LPP: variants seen among roughly 807,000 people sequenced by gnomAD.
LPP encodes the protein lipoma-preferred partner.
A neutral mutation model predicts 60.4 loss-of-function variants in LPP; 38 were observed. That is an observed-to-expected ratio of 0.63 (90% CI 0.49 to 0.83). The LOEUF (loss-of-function observed/expected upper bound fraction) is 0.83, where lower values mean the gene tolerates loss of function less well. Among genes scored for constraint, LPP ranks in the 40% least tolerant of loss-of-function variants. LPP has a pLI of 0.00. For missense variants in LPP, 902 were observed against 783.6 expected, an observed-to-expected ratio of 1.15 and a Z score of -1.80; for synonymous variants, 328 against 290.8, an observed-to-expected ratio of 1.13 and a Z score of -1.30.
At chr3:188,498,667 T>C (rs1031043585) in intron 5 of LPP, among the ~76,000 whole-genome samples, 1 of 152,170 alleles carries the variant, frequency 6.6e-6, no homozygotes, top group African/African-American at 2.4e-5. Context: ...TTATTTTGAG[T>C]ATATACCCAG....
intron 2 of LPP, among the ~76,000 whole-genome samples, chr3:188,269,331 C>CG (rs1219128079): frequency 6.7e-6 from 1 of 149,014 alleles, no homozygotes; most frequent in African/African-American, 2.5e-5. Flanking sequence ...TATTGATTTC[C>CG]CCGTCTCAAA....
chr3:188,430,646 G>T (rs771695568), intron 4 of LPP, among the ~76,000 whole-genome samples: 4 of 152,152 alleles, frequency 2.6e-5, no homozygotes, highest in African/African-American at 4.8e-5. Context: ...AGATGCAGAT[G>T]ACTGAACATC....
chr3:188,375,101 C>T lies in LPP; in HGVS notation c.-9-31011C>T, dbSNP rs61698305. Among the ~76,000 whole-genome samples, 1,469 of 151,788 alleles carry T rather than the reference C, an allele frequency of 9.7e-3. 21 individuals carry two copies. Among genetic ancestry groups the T allele is most frequent in the African/African-American group, 0.032 (1,320 of 41,108 alleles). On this transcript the variant is annotated intron_variant, in intron 3 of 11. Transcript: ENST00000617246. ...AAGCTTCTTGACGTGCTGCTGGATTCGGTTTGCCAGTATTTTATTGAGGAT... is the reference window on the plus strand; with the variant it reads ...AAGCTTCTTGACGTGCTGCTGGATTTGGTTTGCCAGTATTTTATTGAGGAT...
chr3:188,874,300 T>C (rs367791318), intron 11 of LPP, 51 bp from the exon 12 acceptor site: 13 of 1,570,568 alleles, frequency 8.3e-6, no homozygotes, highest in Non-Finnish European at 1.0e-5. Context: ...TCTCCACATG[T>C]GTACTTAACG....
At chr3:188,526,872 G>A (rs568524058) in intron 6 of LPP, among the ~76,000 whole-genome samples, 1 of 152,268 alleles carries the variant, frequency 6.6e-6, no homozygotes, top group Admixed American at 6.5e-5. Flanking sequence ...TCTTCTAATA[G>A]CCTGTAATGT....
At chr3:188,681,832 A>G (rs1191711450) in intron 7 of LPP, among the ~76,000 whole-genome samples, 1 of 152,162 alleles carries the variant, frequency 6.6e-6, no homozygotes, top group Non-Finnish European at 1.5e-5. Flanking sequence ...CATGATGTGT[A>G]GTATGTATGT....
intron 6 of LPP, among the ~76,000 whole-genome samples, chr3:188,547,662 A>G (rs1392919414): frequency 4.6e-5 from 7 of 152,220 alleles, no homozygotes; most frequent in African/African-American, 1.4e-4. Flanking sequence ...TGGCCCAGAA[A>G]TGTGAAATGA....
chr3:188,731,100 C>T (rs1266084769), intron 8 of LPP, among the ~76,000 whole-genome samples: 3 of 152,194 alleles, frequency 2.0e-5, no homozygotes, highest in Non-Finnish European at 2.9e-5. Context: ...AGGTTTCAAG[C>T]ATTTGGACAT....
intron 7 of LPP, among the ~76,000 whole-genome samples, chr3:188,647,752 G>C (rs1270275855): frequency 6.6e-6 from 1 of 152,138 alleles, no homozygotes; most frequent in Non-Finnish European, 1.5e-5. Flanking sequence ...AGTCACTGCC[G>C]GTCATTTCTG....
intron 1 of LPP, among the ~76,000 whole-genome samples, chr3:188,166,095 C>T (rs1186195194): frequency 6.6e-6 from 1 of 152,022 alleles, no homozygotes; most frequent in Non-Finnish European, 1.5e-5. Context: ...GAACTGTTAC[C>T]GTGAAAGTTC....
intron 5 of LPP, among the ~76,000 whole-genome samples, chr3:188,485,200 T>G (rs1805992470): frequency 6.6e-6 from 1 of 152,144 alleles, no homozygotes; most frequent in Admixed American, 6.5e-5. Context: ...CTGGGTAAGT[T>G]CAAGGGTGCA....
intron 9 of LPP, among the ~76,000 whole-genome samples, chr3:188,865,516 A>C (rs1335630579): frequency 2.0e-5 from 3 of 152,242 alleles, no homozygotes; most frequent in African/African-American, 4.8e-5. Context: ...TTCTGTAAAA[A>C]GTAGGGGTCT....
intron 9 of LPP, among the ~76,000 whole-genome samples, chr3:188,832,577 A>C (rs928454423): frequency 6.6e-6 from 1 of 152,214 alleles, no homozygotes; most frequent in Admixed American, 6.5e-5. Flanking sequence ...ATTGTTAGCC[A>C]ACAATCAAAA....
chr3:188,514,989 G>A (rs949946868), intron 5 of LPP, among the ~76,000 whole-genome samples: 1 of 152,156 alleles, frequency 6.6e-6, no homozygotes, highest in African/African-American at 2.4e-5. Context: ...CTAACACTGG[G>A]TGAGTGTGTT....
chr3:188,815,126 C>A (rs1484576704), intron 9 of LPP, among the ~76,000 whole-genome samples: 1 of 152,182 alleles, frequency 6.6e-6, no homozygotes, highest in Non-Finnish European at 1.5e-5. Flanking sequence ...AATACTTGTC[C>A]AATGGAAATG....
At position 188,217,939 on chromosome 3, in the gene LPP, G is replaced by C. The variant is rs1421078003; in HGVS notation, c.-189-7466G>C. 6.6e-6 allele frequency among the ~76,000 whole-genome samples: 1 copy of C among 152,096 alleles called. No homozygotes were observed. Among genetic ancestry groups the C allele is most frequent in the African/African-American group, 2.4e-5 (1 of 41,416 alleles). ...CGTGCAGCTTCCTTTGCTCTCCCTG[G>C]GTATTTTTGTAAAACATTCTTTCCC... On this transcript the variant is annotated intron_variant, in intron 1 of 11. Coordinates refer to ENST00000617246, the MANE Select transcript of LPP (RefSeq NM_001375462.1). The surrounding 1 kb of genome is among the most constrained non-coding windows in gnomAD (Gnocchi z 4.0).
At chr3:188,413,093 T>A (rs1785267179) in intron 4 of LPP, among the ~76,000 whole-genome samples, 1 of 152,184 alleles carries the variant, frequency 6.6e-6, no homozygotes, top group Admixed American at 6.6e-5. Flanking sequence ...TGTGAAGCCA[T>A]GTATCCTGGG....
intron 7 of LPP, among the ~76,000 whole-genome samples, chr3:188,640,702 A>G (rs1180545953): frequency 5.9e-5 from 9 of 151,966 alleles, no homozygotes; most frequent in Admixed American, 3.3e-4. Context: ...TTGCCTTACC[A>G]TATAGCTCTT....
chr3:188,231,592 A>G (rs1030771032), intron 2 of LPP, among the ~76,000 whole-genome samples: 5 of 151,752 alleles, frequency 3.3e-5, no homozygotes, highest in African/African-American at 1.2e-4. Context: ...CCCTTGCTGT[A>G]TGCGTGAGAC....
Sources: gnomAD v4.1 joint callset for allele counts (sites outside exome capture counted in the v4.1 genomes callset) on GRCh38, gnomAD v4.1.1 for gene constraint, Gnocchi (gnomAD v3.1) non-coding constraint, MANE v1.5 for transcripts, NCBI Gene and HGNC (gene_info 2026-07-23, HGNC 2026-07-21) for gene names.